Variants in QTGAL observed in about 807,000 individuals in gnomAD.
QTGAL encodes queuosine-tRNA galactosyltransferase.
chr17:83,013,827 T>C, the QTGAL span, among the ~76,000 whole-genome samples: 410 of 152,280 alleles, frequency 2.7e-3, 1 homozygote, highest in Non-Finnish European at 4.6e-3. Flanking sequence ...ACCGCTGTGA[T>C]TCAAAGTCTT....
chr17:83,023,380 C>T, the QTGAL span, among the ~76,000 whole-genome samples: 2 of 151,232 alleles, frequency 1.3e-5, no homozygotes, highest in African/African-American at 2.4e-5. Context: ...CCTGCACCAG[C>T]ATGAACTCAC....
the QTGAL span, among the ~76,000 whole-genome samples, chr17:83,045,050 G>A: frequency 1.3e-5 from 2 of 151,850 alleles, no homozygotes; most frequent in Non-Finnish European, 2.9e-5. Context: ...AACCCACAAA[G>A]AACAAACTAT....
chr17:82,964,515 G>C, the QTGAL span, among the ~76,000 whole-genome samples: 6 of 151,570 alleles, frequency 4.0e-5, no homozygotes, highest in African/African-American at 1.5e-4. Flanking sequence ...CGTCCCACGG[G>C]GGATGGGGAC....
the QTGAL span, among the ~76,000 whole-genome samples, chr17:82,977,765 A>G: frequency 4.1e-4 from 63 of 152,222 alleles, no homozygotes; most frequent in Middle Eastern, 6.8e-3. Flanking sequence ...AAGCCGGCTG[A>G]TTCCAGTCTG....
the QTGAL span, among the ~76,000 whole-genome samples, chr17:83,002,845 C>A: frequency 1.0e-5 from 1 of 95,584 alleles, no homozygotes; most frequent in East Asian, 4.2e-4. Flanking sequence ...AGCCCGCCCT[C>A]CCACTCTCTG....
the QTGAL span, among the ~76,000 whole-genome samples, chr17:82,958,794 C>CGTGTGTGTGTGTGTGT: frequency 1.7e-4 from 19 of 112,938 alleles, no homozygotes; most frequent in African/African-American, 9.4e-4. Flanking sequence ...GACACTGAAG[C>CGTGTGTGTGTGTGTGT]ATGTGTGTGT....
At chr17:82,998,491 G>A in the QTGAL span, among the ~76,000 whole-genome samples, 4 of 152,018 alleles carry the variant, frequency 2.6e-5, no homozygotes, top group African/African-American at 4.8e-5. Flanking sequence ...GACTACAGGC[G>A]CCCACCACCA....
chr17:83,007,353 C>T, the QTGAL span: 2 of 844,494 alleles, frequency 2.4e-6, no homozygotes, highest in East Asian at 2.5e-4. Context: ...TGTTTCTGTG[C>T]ATCCTGCATA....
the QTGAL span, among the ~76,000 whole-genome samples, chr17:82,973,855 G>A: frequency 2.8e-4 from 43 of 152,184 alleles, no homozygotes; most frequent in African/African-American, 1.0e-3. Context: ...ATGGCGCTGG[G>A]GCTGCTAAGA....
chr17:82,965,682 G>A, the QTGAL span: 1 of 1,612,042 alleles, frequency 6.2e-7, no homozygotes, highest in South Asian at 1.1e-5. Flanking sequence ...GCCCACGTGG[G>A]AGAACCACGC....
the QTGAL span, chr17:83,030,911 C>G: frequency 2.6e-5 from 4 of 152,318 alleles, no homozygotes; most frequent in Non-Finnish European, 5.9e-5. Flanking sequence ...CCCTGAAGGG[C>G]GAAGGGAAAA....
the QTGAL span, among the ~76,000 whole-genome samples, chr17:82,991,076 A>C: frequency 2.0e-5 from 3 of 152,384 alleles, no homozygotes; most frequent in South Asian, 6.2e-4. Context: ...CGTAGATGAA[A>C]ATTAACTAAA....
At chr17:82,995,723 A>AAAGAAATC in the QTGAL span, among the ~76,000 whole-genome samples, 4 of 152,222 alleles carry the variant, frequency 2.6e-5, no homozygotes, top group Non-Finnish European at 5.9e-5. Flanking sequence ...ACAATTTGAA[A>AAAGAAATC]AAGAAATCAA....
At chr17:83,008,238 A>G in the QTGAL span, among the ~76,000 whole-genome samples, 1 of 152,242 alleles carries the variant, frequency 6.6e-6, no homozygotes, top group Non-Finnish European at 1.5e-5. Context: ...AGGCTGGCTA[A>G]CTTTCTCCAG....
At chr17:82,962,560 A>G in the QTGAL span, among the ~76,000 whole-genome samples, 2 of 131,654 alleles carry the variant, frequency 1.5e-5, no homozygotes, top group African/African-American at 5.4e-5. Context: ...CACACGGGTG[A>G]TTTAGGGTGG....
chr17:82,973,149 G>A, the QTGAL span, among the ~76,000 whole-genome samples: 2 of 152,224 alleles, frequency 1.3e-5, no homozygotes, highest in African/African-American at 4.8e-5. Flanking sequence ...GACAGAAAAT[G>A]GAAGCACAGA....
At chr17:82,944,668 T>C in the QTGAL span, 2 of 152,320 alleles carry the variant, frequency 1.3e-5, no homozygotes, top group African/African-American at 4.8e-5. Flanking sequence ...AAGAAGCCAG[T>C]ATCCCTGGGA....
chr17:82,947,180 C>G, the QTGAL span: 1 of 526,892 alleles, frequency 1.9e-6, no homozygotes. Context: ...ACCACAGGCC[C>G]TGTTGGTCAC....
At chr17:82,958,392 C>T in the QTGAL span, among the ~76,000 whole-genome samples, 1 of 152,226 alleles carries the variant, frequency 6.6e-6, no homozygotes, top group Non-Finnish European at 1.5e-5. Flanking sequence ...TGGGAGTCTC[C>T]TCCGGGGTGG....
Sources: allele counts gnomAD v4.1 joint callset (sites outside exome capture counted in the v4.1 genomes callset), GRCh38; gene constraint gnomAD v4.1.1; transcripts MANE v1.5; gene names NCBI Gene and HGNC (gene_info 2026-07-23, HGNC 2026-07-21).